Variants in ARHGAP19 observed in about 807,000 individuals in gnomAD.
ARHGAP19 encodes Rho GTPase activating protein 19, also known as rho GTPase-activating protein 19.
Under a neutral mutation model 60.9 loss-of-function variants are expected in ARHGAP19, and 48 were observed. The observed-to-expected ratio is 0.79, with a 90% CI of 0.62 to 1.00. The LOEUF (loss-of-function observed/expected upper bound fraction) is 1.00. Ranked by LOEUF, ARHGAP19 falls within the 50% of genes least tolerant of loss-of-function variation. The pLI is 0.00. For missense variants in ARHGAP19, 562 were observed against 597.2 expected, an observed-to-expected ratio of 0.94 and a Z score of 0.61; for synonymous variants, 209 against 215.5, an observed-to-expected ratio of 0.97 and a Z score of 0.27.
chr10:97,246,440 T>C, intron 6 of ARHGAP19, 103 bp from the exon 7 acceptor site: 1 of 927,514 alleles, frequency 1.1e-6, no homozygotes, highest in Non-Finnish European at 1.7e-6. Flanking sequence ...GACCAGCAGA[T>C]TACTTTTAAA....
intron 1 of ARHGAP19, among the ~76,000 whole-genome samples, chr10:97,272,832 T>G (rs7093375): frequency 0.023 from 3,519 of 151,602 alleles, 124 homozygotes; most frequent in African/African-American, 0.081. Context: ...CTCTATTGAT[T>G]ATGTTTGTTG....
chr10:97,290,487 C>T lies in ARHGAP19; in HGVS notation c.56+2085G>A, dbSNP rs374674423. Among the ~76,000 whole-genome samples, 203 of 152,236 alleles carry T rather than the reference C, an allele frequency of 1.3e-3. 1 individual carries two copies. Among genetic ancestry groups the T allele is most frequent in the African/African-American group, 4.7e-3 (195 of 41,536 alleles). On this transcript the variant is annotated intron_variant, in intron 1 of 11. Transcript: ENST00000358531. ...CTTCTAATAGAGCTGTAACACTCAC[C>T]CCATGGCCCAAGATTCCATTCCTTG...
intron 1 of ARHGAP19, among the ~76,000 whole-genome samples, chr10:97,288,090 A>G (rs1843179096): frequency 6.6e-6 from 1 of 152,182 alleles, no homozygotes; most frequent in African/African-American, 2.4e-5. Context: ...TAAATATTTT[A>G]TTAAAAGAAG....
At chr10:97,238,407 A>C (rs1464908562) in intron 8 of ARHGAP19, among the ~76,000 whole-genome samples, 1 of 152,114 alleles carries the variant, frequency 6.6e-6, no homozygotes, top group Non-Finnish European at 1.5e-5. Context: ...TATTTTGTGG[A>C]TACAAGGTCA....
intron 8 of ARHGAP19, among the ~76,000 whole-genome samples, chr10:97,237,987 C>T (rs1295829287): frequency 6.6e-6 from 1 of 151,972 alleles, no homozygotes; most frequent in Non-Finnish European, 1.5e-5. Flanking sequence ...GAGTGCACTC[C>T]TACTTATTTT....
chr10:97,280,935 T>C (rs1843076575), intron 1 of ARHGAP19, among the ~76,000 whole-genome samples: 5 of 152,190 alleles, frequency 3.3e-5, no homozygotes. Flanking sequence ...CTAGAAGTAC[T>C]TCTACGTATG....
At chr10:97,266,864 T>C (rs1321236840) in intron 1 of ARHGAP19, among the ~76,000 whole-genome samples, 5 of 152,172 alleles carry the variant, frequency 3.3e-5, no homozygotes, top group Non-Finnish European at 7.3e-5. Context: ...GTTCCTCTCA[T>C]GACATGTGGG....
intron 7 of ARHGAP19, among the ~76,000 whole-genome samples, chr10:97,245,922 T>TG (rs957802390): frequency 2.6e-5 from 4 of 151,460 alleles, no homozygotes; most frequent in East Asian, 1.9e-4. Context: ...ATAAAAATTG[T>TG]GGGGGGGAGG....
chr10:97,256,480 C>A, intron 5 of ARHGAP19, 76 bp from the exon 6 acceptor site: 1 of 1,065,208 alleles, frequency 9.4e-7, no homozygotes, highest in East Asian at 2.4e-5. Context: ...CCTGTTCTTT[C>A]AAATGTATGA....
intron 6 of ARHGAP19, among the ~76,000 whole-genome samples, chr10:97,250,534 C>A (rs1456085706): frequency 6.6e-6 from 1 of 151,784 alleles, no homozygotes; most frequent in East Asian, 1.9e-4. Context: ...CAGGCGCCCA[C>A]CACCACGCCC....
intron 8 of ARHGAP19, among the ~76,000 whole-genome samples, chr10:97,238,349 A>G (rs1258912711): frequency 2.0e-5 from 3 of 152,088 alleles, no homozygotes; most frequent in Non-Finnish European, 4.4e-5. Context: ...CCTCCTGTGT[A>G]GCTAGGACTA....
intron 8 of ARHGAP19, among the ~76,000 whole-genome samples, chr10:97,242,020 A>AT (rs1842491736): frequency 2.7e-5 from 4 of 148,350 alleles, no homozygotes; most frequent in African/African-American, 9.9e-5. Context: ...AAAAAAAAAA[A>AT]AAAATAATAA....
At chr10:97,250,747 A>ATATAT (rs77896493) in intron 6 of ARHGAP19, among the ~76,000 whole-genome samples, 142,597 of 151,620 alleles carry the variant, frequency 0.94, 67,658 homozygotes, top group East Asian at 1. Flanking sequence ...CCAAACAAGA[A>ATATAT]TATATCTATT....
intron 5 of ARHGAP19, among the ~76,000 whole-genome samples, chr10:97,258,166 C>T (rs568459747): frequency 1.3e-5 from 2 of 152,176 alleles, no homozygotes; most frequent in African/African-American, 4.8e-5. Context: ...AGAGGAAAAG[C>T]CTATGCATAG....
At chr10:97,271,625 T>C (rs1842960359) in intron 1 of ARHGAP19, among the ~76,000 whole-genome samples, 1 of 152,050 alleles carries the variant, frequency 6.6e-6, no homozygotes, top group Non-Finnish European at 1.5e-5. Flanking sequence ...CTTTCCCTAC[T>C]CATCACTTAG....
In ARHGAP19 at chr10:97,272,412, C is replaced by T. The variant is rs182615081; in HGVS notation, c.57-6287G>A. Among the ~76,000 whole-genome samples, 263 of 152,094 alleles carry T rather than the reference C, an allele frequency of 1.7e-3. 3 individuals carry two copies. The highest frequency in any genetic ancestry group is 0.01 in the Middle Eastern group (3 of 294). Reference sequence around the variant, plus strand: ...GGTATCCCACAAGCATGAGCCACCACGCGTGGCCAATATGTCTTATTTTTC... The same window carrying T: ...GGTATCCCACAAGCATGAGCCACCATGCGTGGCCAATATGTCTTATTTTTC... On this transcript the variant is annotated intron_variant, in intron 1 of 11. Transcript: ENST00000358531.
intron 6 of ARHGAP19, among the ~76,000 whole-genome samples, chr10:97,249,248 C>A (rs1396575774): frequency 6.6e-6 from 1 of 152,062 alleles, no homozygotes; most frequent in Non-Finnish European, 1.5e-5. Flanking sequence ...GATGCTAAAA[C>A]CATTATTAGG....
At chr10:97,286,431 A>C (rs1843156091) in intron 1 of ARHGAP19, among the ~76,000 whole-genome samples, 1 of 152,210 alleles carries the variant, frequency 6.6e-6, no homozygotes, top group South Asian at 2.1e-4. Flanking sequence ...ATCTCTACTA[A>C]AAATACAAAA....
chr10:97,256,787 T>C (rs1750726834), intron 5 of ARHGAP19, among the ~76,000 whole-genome samples: 1 of 152,160 alleles, frequency 6.6e-6, no homozygotes, highest in African/African-American at 2.4e-5. Flanking sequence ...CAAAAAAGAA[T>C]GGTCACTACT....
Sources: allele counts gnomAD v4.1 joint callset (sites outside exome capture counted in the v4.1 genomes callset), GRCh38; gene constraint gnomAD v4.1.1; transcripts MANE v1.5; gene names NCBI Gene and HGNC (gene_info 2026-07-23, HGNC 2026-07-21).